Variants in USH1C observed in about 807,000 individuals in gnomAD.
USH1C encodes harmonin.
Under a neutral mutation model 119.3 loss-of-function variants are expected in USH1C, and 90 were observed. That is an observed-to-expected ratio of 0.75 (90% confidence interval 0.64 to 0.90). USH1C has a LOEUF of 0.90. Among genes scored for constraint, USH1C ranks in the 40% least tolerant of loss-of-function variants. The pLI is 0.00. For missense variants in USH1C, 1,165 were observed against 1,167.7 expected (o/e 1.00, Z 0.03); for synonymous variants, 465 against 443.3 (o/e 1.05, Z -0.62).
At chr11:17,514,204 A>G (rs147410991) in intron 15 of USH1C, among the ~76,000 whole-genome samples, 2,760 of 152,282 alleles carry the variant, frequency 0.018, 102 homozygotes, top group African/African-American at 0.062. Flanking sequence ...AATAGAAGAC[A>G]CTGAATCTTT....
chr11:17,536,296 A>C lies in USH1C; in HGVS notation c.37-2974T>G, dbSNP rs151038960. 3.6e-3 allele frequency among the ~76,000 whole-genome samples: 552 copies of C among 152,344 alleles called. 4 individuals carry two copies. The highest frequency in any genetic ancestry group is 0.013 in the African/African-American group (532 of 41,590). ...CTTATTGACTGAGGCCTTAGGACTG[A>C]AGTTCCCTCTTATCCCTCTTTGCAG... On this transcript the variant is annotated intron_variant, in intron 1 of 26. Transcript: ENST00000005226.
chr11:17,528,111 T>A (rs1486972711), intron 4 of USH1C, among the ~76,000 whole-genome samples: 6 of 152,234 alleles, frequency 3.9e-5, no homozygotes, highest in Admixed American at 3.9e-4. Context: ...GCTGTGAGAA[T>A]TAAGTGAACT....
Position 17,533,276 on chromosome 11 carries a change from T to A in USH1C, c.83A>T (p.Asp28Val), listed in dbSNP as rs1851069813. 1 of 1,613,802 alleles carries A rather than the reference T, an allele frequency of 6.2e-7. No individual in the cohort carries two copies. The highest frequency in any genetic ancestry group is 8.5e-7 in the Non-Finnish European group (1 of 1,179,914). The part of the protein sequence containing the change: ...ENDAEKDYLY[D>V]VLRMYHQTMD... ...TTACTGGTGGTACATTCGCAGCACA[T>A]CATAGAGATAGTCCTTCTCTGCATC... Residue 28 changes from aspartate (D) to valine (V), a missense_variant, in exon 2 of 27, where the codon GAT (aspartate) becomes GTT (valine). Physicochemically the swap from Asp to Val is radical, Grantham distance 152. Transcript: ENST00000005226.
intron 2 of USH1C, among the ~76,000 whole-genome samples, chr11:17,532,446 C>T (rs756202446): frequency 1.3e-5 from 2 of 152,028 alleles, no homozygotes; most frequent in Admixed American, 6.6e-5. Context: ...TACAGGCACG[C>T]GCCACCATAC....
intron 18 of USH1C, 38 bp downstream of exon 18, chr11:17,509,318 C>A (rs1349522004): frequency 6.5e-7 from 1 of 1,533,190 alleles, no homozygotes; most frequent in South Asian, 1.3e-5. Flanking sequence ...CCCCACTCTT[C>A]CTACTTCCAA....
intron 1 of USH1C, chr11:17,534,013 G>A (rs1460045542): frequency 3.7e-6 from 1 of 271,492 alleles, no homozygotes; most frequent in Admixed American, 4.3e-5. Context: ...GTCAGGTTCA[G>A]GAGTTGTGTC....
chr11:17,509,844 G>A lies in USH1C; in HGVS notation c.1531-6C>T. The A allele has an allele frequency of 6.3e-7, 1 of 1,589,676 alleles. No homozygotes were observed. The highest frequency in any genetic ancestry group is 8.5e-7 in the Non-Finnish European group (1 of 1,174,330). On this transcript the variant is annotated splice_polypyrimidine_tract_variant and splice_region_variant and intron_variant, in intron 17 of 26. Transcript: ENST00000005226. Reference sequence around the variant, plus strand: ...GGCGGGGGCCCTGTGGTCATCTGGGGGTGTTGCAAGGAAGTTCTGTAATTG... The same window carrying A: ...GGCGGGGGCCCTGTGGTCATCTGGGAGTGTTGCAAGGAAGTTCTGTAATTG...
At chr11:17,506,974 G>A (rs1849673967) in intron 18 of USH1C, among the ~76,000 whole-genome samples, 1 of 152,226 alleles carries the variant, frequency 6.6e-6, no homozygotes, top group African/African-American at 2.4e-5. Context: ...ATAAATGAAT[G>A]ACTAAATAGT....
chr11:17,509,901 A>T, intron 17 of USH1C, 63 bp from the exon 18 acceptor site: 1 of 1,538,014 alleles, frequency 6.5e-7, no homozygotes, highest in Non-Finnish European at 8.8e-7. Context: ...TTCACAATAC[A>T]GCGAGCACTA....
At position 17,505,872 on chromosome 11, in the gene USH1C, C is replaced by T; in HGVS notation, c.2091G>A (p.Glu697=). 6.2e-7 allele frequency: 1 copy of T among 1,614,152 alleles called. No individual in the cohort carries two copies. The highest frequency in any genetic ancestry group is 8.5e-7 in the Non-Finnish European group (1 of 1,180,024). ...CAGCTGGCCTGTAGATGAAATTGGG[C>T]TCCTGGTGGACCATGACAGGTTTGG... ...TISKPVMVHQ[E]PNFIYRPAVK... The change falls in exon 19 of 27, where the codon GAG becomes GAA. Residue 697 remains glutamate (E), a synonymous_variant. Transcript: ENST00000005226.
intron 18 of USH1C, 33 bp from the exon 19 acceptor site, chr11:17,505,982 G>T (rs773269449): frequency 6.2e-7 from 1 of 1,613,954 alleles, no homozygotes; most frequent in Admixed American, 1.7e-5. Flanking sequence ...ACCCAGGTGA[G>T]GTCATGGTGG....
At chr11:17,515,378 G>T (rs1435524563) in intron 15 of USH1C, among the ~76,000 whole-genome samples, 1 of 152,214 alleles carries the variant, frequency 6.6e-6, no homozygotes, top group Non-Finnish European at 1.5e-5. Context: ...GCTGGAGGAA[G>T]GGGGTAGATT....
chr11:17,526,472 G>A, intron 7 of USH1C, 31 bp from the exon 8 acceptor site: 2 of 1,591,968 alleles, frequency 1.3e-6, no homozygotes, highest in Non-Finnish European at 1.7e-6. Flanking sequence ...GAATCACGGA[G>A]TGTCCACATG....
intron 16 of USH1C, among the ~76,000 whole-genome samples, chr11:17,511,338 T>TG (rs11297959): frequency 8.4e-4 from 126 of 149,840 alleles, no homozygotes; most frequent in East Asian, 3.6e-3. Context: ...CTAAGTTGGG[T>TG]GGGGGGGGGT....
intron 23 of USH1C, 82 bp from the exon 24 acceptor site, chr11:17,498,353 G>T (rs1186642209): frequency 2.3e-6 from 3 of 1,281,526 alleles, no homozygotes; most frequent in African/African-American, 2.9e-5. Flanking sequence ...GGGGGTCATT[G>T]CCAGACAGCA....
At chr11:17,509,252 GTTTC>G (rs1253067016) in intron 18 of USH1C, 100 bp downstream of exon 18, 3 of 1,443,664 alleles carry the variant, frequency 2.1e-6, no homozygotes, top group South Asian at 3.1e-5. Flanking sequence ...GTGAGATGAT[GTTTC>G]TTTCTGTCTC....
Position 17,520,882 on chromosome 11 carries a change from G to T in USH1C, c.1198C>A (p.Arg400Ser), listed in dbSNP as rs759009035. Residue 400 changes from arginine (R) to serine (S), a missense_variant, in exon 14 of 27, where the codon CGC (arginine) becomes AGC (serine). Arg to Ser is a moderately radical substitution (Grantham distance 110). Transcript: ENST00000005226. ...TCATGAAACTTACACTTTGGCTTGC[G>T]AAGGGGTACTGGGTGTACCTCAGCA... ...ITAEVHPVPL[R>S]KPKSFGWFYR... 1 of 1,614,048 alleles carries T rather than the reference G, an allele frequency of 6.2e-7. No homozygotes were observed. The highest frequency in any genetic ancestry group is 8.5e-7 in the Non-Finnish European group (1 of 1,180,038).
intron 1 of USH1C, chr11:17,533,857 C>A: frequency 2.3e-6 from 1 of 428,536 alleles, no homozygotes; most frequent in Non-Finnish European, 4.8e-6. Context: ...TTCACTCTGT[C>A]TTGTCCTGAC....
chr11:17,515,863 A>C (rs1850120751), intron 15 of USH1C, among the ~76,000 whole-genome samples: 1 of 152,202 alleles, frequency 6.6e-6, no homozygotes, highest in Non-Finnish European at 1.5e-5. Context: ...CATAACATGC[A>C]CTAGGTACAC....
Sources: gnomAD v4.1 joint callset for allele counts (sites outside exome capture counted in the v4.1 genomes callset) on GRCh38, gnomAD v4.1.1 for gene constraint, MANE v1.5 for transcripts, NCBI Gene and HGNC (gene_info 2026-07-23, HGNC 2026-07-21) for gene names.